Variants in EDA2R observed in about 807,000 individuals in gnomAD.
EDA2R encodes ectodysplasin A2 receptor.
EDA2R carries 26 observed loss-of-function variants against 20.1 expected under a neutral mutation model. The ratio of observed to expected loss-of-function variants is 1.30; its 90% CI spans 0.95 to 1.80. The LOEUF (loss-of-function observed/expected upper bound fraction) is 1.80. Among genes scored for constraint, EDA2R ranks in the 40% most tolerant of loss-of-function variants. The pLI is 0.00. For missense variants in EDA2R, 277 were observed against 228.7 expected (o/e 1.21, Z -1.36); for synonymous variants, 114 against 88.7 (o/e 1.29, Z -1.60).
Position 66,626,790 on chromosome X carries a change from AAGGGG to A in EDA2R, c.-10-10765_-10-10761del, listed in dbSNP as rs1164681962. 2.8e-4 allele frequency among the ~76,000 whole-genome samples: 22 copies of A among 79,705 alleles called. 1 individual carries two copies. The highest frequency in any genetic ancestry group is 4.0e-4 in the African/African-American group (8 of 20,239). 69.2% of individuals were successfully genotyped at this position (79,705 alleles called of 115,157 possible). ...ACTGGAAAGGAAAGGAAGAGGAGGG[AAGGGG>A]AGGGGAGGGGAGGGGAGAGGAGGAC... is the stretch of plus-strand genomic sequence containing the variant. On this transcript the variant is annotated intron_variant, in intron 1 of 6. Transcript: ENST00000374719.
chrX:66,638,514 G>T (rs1176121022), intron 1 of EDA2R, among the ~76,000 whole-genome samples: 1 of 110,628 alleles, frequency 9.0e-6, no homozygotes, highest in Non-Finnish European at 1.9e-5. Flanking sequence ...CAAGCTCGGC[G>T]GGTGAGGGGG....
chrX:66,615,194 C>T (rs1331253744), intron 2 of EDA2R, among the ~76,000 whole-genome samples: 3 of 111,836 alleles, frequency 2.7e-5, no homozygotes, highest in African/African-American at 9.8e-5. Context: ...TCTGCCATAT[C>T]CATGGTGTCT....
At chrX:66,602,163 C>T (rs1928724777) in intron 5 of EDA2R, among the ~76,000 whole-genome samples, 1 of 111,382 alleles carries the variant, frequency 9.0e-6, no homozygotes, top group African/African-American at 3.3e-5. Context: ...TTCCTCAATT[C>T]ATGACATGCT....
chrX:66,599,392 T>A, intron 6 of EDA2R, 82 bp downstream of exon 6: 1 of 1,029,719 alleles, frequency 9.7e-7, no homozygotes, highest in Admixed American at 3.9e-5. Flanking sequence ...ATAATACTAT[T>A]CCAAAAGAGA....
intron 5 of EDA2R, 88 bp downstream of exon 5, chrX:66,602,545 A>G: frequency 9.9e-7 from 1 of 1,007,422 alleles, no homozygotes; most frequent in Non-Finnish European, 1.3e-6. Flanking sequence ...GAAAAGGCCC[A>G]TTGTCTCTCA....
chrX:66,623,650 T>C (rs1427476950), intron 1 of EDA2R, among the ~76,000 whole-genome samples: 1 of 111,847 alleles, frequency 8.9e-6, no homozygotes, highest in Non-Finnish European at 1.9e-5. Flanking sequence ...CTTTTCCTTA[T>C]TGTCTTCACT....
intron 1 of EDA2R, among the ~76,000 whole-genome samples, chrX:66,616,971 T>A (rs1931796332): frequency 8.9e-6 from 1 of 112,442 alleles, no homozygotes; most frequent in Admixed American, 9.4e-5. Flanking sequence ...GAGTTAAGTA[T>A]GCAGAAAGGT....
At chrX:66,608,996 G>A (rs1173012147) in intron 2 of EDA2R, among the ~76,000 whole-genome samples, 1 of 111,874 alleles carries the variant, frequency 8.9e-6, no homozygotes, top group Non-Finnish European at 1.9e-5. Context: ...GTCTAATACA[G>A]CAAATTTGAG....
Position 66,595,771 on chromosome X carries a change from A to G in EDA2R, c.*2333T>C, listed in dbSNP as rs1312007777. ...AATTTCTATAAATAACCCATTTATG[A>G]GAAAAAATAATTAAAATGTACCAAT... On this transcript the variant is annotated 3_prime_UTR_variant, in exon 7 of 7. Coordinates refer to ENST00000374719, the MANE Select transcript of EDA2R (RefSeq NM_021783.5). 8.9e-6 allele frequency: 1 copy of G among 111,996 alleles called. No homozygotes were observed. Among genetic ancestry groups the G allele is most frequent in the African/African-American group, 3.2e-5 (1 of 30,799 alleles). The allele number at this position is 111,996 out of a possible 1,213,427, so 9.2% of individuals were successfully genotyped here. A position where few individuals can be genotyped will look rare whatever the true frequency, so the allele number is the denominator to read the frequency against.
At chrX:66,635,060 T>G (rs1207487437) in intron 1 of EDA2R, among the ~76,000 whole-genome samples, 1 of 111,716 alleles carries the variant, frequency 9.0e-6, no homozygotes, top group East Asian at 2.8e-4. Flanking sequence ...TGTCTTTTGG[T>G]GGTGTTTGGA....
intron 2 of EDA2R, among the ~76,000 whole-genome samples, chrX:66,611,167 T>C (rs774739749): frequency 8.9e-6 from 1 of 111,798 alleles, no homozygotes; most frequent in Admixed American, 9.5e-5. Flanking sequence ...AAATAGCCTT[T>C]AGAACTGCAG....
intron 1 of EDA2R, among the ~76,000 whole-genome samples, chrX:66,624,265 T>C (rs1932865366): frequency 8.9e-6 from 1 of 111,959 alleles, no homozygotes; most frequent in Admixed American, 9.4e-5. Flanking sequence ...CCGCCTGGAA[T>C]ACCGGCCCTT....
chrX:66,619,995 T>G (rs1279810237), intron 1 of EDA2R, among the ~76,000 whole-genome samples: 3 of 111,465 alleles, frequency 2.7e-5, no homozygotes, highest in African/African-American at 9.8e-5. Flanking sequence ...CTCACGCCCC[T>G]TCCCAGTCAA....
At chrX:66,628,024 C>T in intron 1 of EDA2R, among the ~76,000 whole-genome samples, 1 of 111,218 alleles carries the variant, frequency 9.0e-6, no homozygotes, top group Non-Finnish European at 1.9e-5. Context: ...GAAATCAACT[C>T]AAAAAGGAAC....
At chrX:66,614,419 C>T (rs1931313985) in intron 2 of EDA2R, among the ~76,000 whole-genome samples, 1 of 112,339 alleles carries the variant, frequency 8.9e-6, no homozygotes, top group Admixed American at 9.4e-5. Flanking sequence ...CAACTTACTA[C>T]ATCCTAATTG....
In EDA2R at chrX:66,597,081, C is replaced by T. The variant is rs893786172; in HGVS notation, c.*1023G>A. On this transcript the variant is annotated 3_prime_UTR_variant, in exon 7 of 7. Transcript: ENST00000374719. ...AGAGCTAGAACCTGGTGATGAAGTGCACATTCTGCCTAATGTACTTAATAA... is the reference window on the plus strand; with the variant it reads ...AGAGCTAGAACCTGGTGATGAAGTGTACATTCTGCCTAATGTACTTAATAA... 3 of 113,146 alleles carry T rather than the reference C, an allele frequency of 2.7e-5. No homozygotes were observed. The highest frequency in any genetic ancestry group is 9.3e-5 in the Admixed American group (1 of 10,776). 9.3% of individuals were successfully genotyped at this position (113,146 alleles called of 1,213,427 possible).
chrX:66,619,342 A>G (rs1190883235), intron 1 of EDA2R, among the ~76,000 whole-genome samples: 2 of 112,634 alleles, frequency 1.8e-5, no homozygotes, highest in Admixed American at 9.4e-5. Flanking sequence ...GCATTTCTGT[A>G]TAGGATTAAC....
chrX:66,604,589 A>G lies in EDA2R; in HGVS notation c.267-83T>C, dbSNP rs1011306785. ...AGTTCTTCCTGGGAAAGCAGCTCCTAAGAATCTTGCCAACCTGAAAGTAAG... is the reference window on the plus strand; with the variant it reads ...AGTTCTTCCTGGGAAAGCAGCTCCTGAGAATCTTGCCAACCTGAAAGTAAG... On this transcript the variant is annotated intron_variant, in intron 3 of 6. Coordinates refer to ENST00000374719, the MANE Select transcript of EDA2R (RefSeq NM_021783.5). 6.5e-6 allele frequency: 6 copies of G among 926,077 alleles called. No individual in the cohort carries two copies. The Admixed American group carries it at 1.0e-4, about 16-fold the overall frequency. The allele number at this position is 926,077 out of a possible 1,213,427, so 76.3% of individuals were successfully genotyped here.
chrX:66,633,889 G>A (rs936667338), intron 1 of EDA2R, among the ~76,000 whole-genome samples: 1 of 111,886 alleles, frequency 8.9e-6, no homozygotes, highest in Non-Finnish European at 1.9e-5. Flanking sequence ...ACTCAGTCAA[G>A]TACTCCAATT....
Sources: gnomAD v4.1 joint callset for allele counts (sites outside exome capture counted in the v4.1 genomes callset) on GRCh38, gnomAD v4.1.1 for gene constraint, MANE v1.5 for transcripts, NCBI Gene and HGNC (gene_info 2026-07-23, HGNC 2026-07-21) for gene names.